SPTLC3: variants seen among roughly 807,000 people sequenced by gnomAD.
SPTLC3 encodes serine palmitoyltransferase 3.
In SPTLC3, 36 loss-of-function variants were observed where a neutral mutation model predicts 59.3. The ratio of observed to expected loss-of-function variants is 0.61; its 90% CI spans 0.47 to 0.80. SPTLC3 has a LOEUF of 0.80. Among genes scored for constraint, SPTLC3 ranks in the 30% least tolerant of loss-of-function variants. SPTLC3 has a pLI of 0.00. For synonymous variants in SPTLC3, 257 were observed against 240.8 expected (o/e 1.07, Z -0.62); for missense variants, 625 against 685.1 (o/e 0.91, Z 0.98).
chr20:13,160,072 C>G lies in SPTLC3; in HGVS notation c.1485C>G (p.Leu495=). The G allele has an allele frequency of 1.2e-6, 2 of 1,613,718 alleles. No homozygotes were observed. The highest frequency in any genetic ancestry group is 1.7e-6 in the Non-Finnish European group (2 of 1,179,888). ...VVVVGFPATP[L]AEARARFCVS... Reference sequence around the variant, plus strand: ...TCGTGGGATTTCCAGCCACTCCCCTCGCAGAAGCTCGGGCTCGGTTTTGTG... The same window carrying G: ...TCGTGGGATTTCCAGCCACTCCCCTGGCAGAAGCTCGGGCTCGGTTTTGTG... The change falls in exon 11 of 12, where the codon CTC becomes CTG. Residue 495 remains leucine, a synonymous_variant. Transcript: ENST00000399002.
At chr20:13,124,835 G>C (rs1390599901) in intron 8 of SPTLC3, among the ~76,000 whole-genome samples, 1 of 152,212 alleles carries the variant, frequency 6.6e-6, no homozygotes, top group Non-Finnish European at 1.5e-5. Flanking sequence ...AAGTGGGAAT[G>C]AATGTGACTA....
intron 11 of SPTLC3, among the ~76,000 whole-genome samples, chr20:13,163,897 C>T (rs2038945427): frequency 6.6e-6 from 1 of 151,930 alleles, no homozygotes; most frequent in South Asian, 2.1e-4. Flanking sequence ...TGAAAATGAC[C>T]TTTTTTTTAT....
At chr20:13,111,751 G>A (rs1359554126) in intron 7 of SPTLC3, among the ~76,000 whole-genome samples, 1 of 152,170 alleles carries the variant, frequency 6.6e-6, no homozygotes, top group African/African-American at 2.4e-5. Context: ...AGCAGACTGG[G>A]CATCTCCTTT....
intron 6 of SPTLC3, among the ~76,000 whole-genome samples, chr20:13,105,345 C>T (rs966091934): frequency 6.6e-6 from 1 of 152,102 alleles, no homozygotes; most frequent in Non-Finnish European, 1.5e-5. Context: ...TGAACTCCAC[C>T]AAAAGCCACT....
rs189473791 is a variant in SPTLC3 at position 13,116,355 on chromosome 20, G to A, written c.933-1151G>A. On this transcript the variant is annotated intron_variant, in intron 7 of 11. Transcript: ENST00000399002. The stretch of plus-strand genomic sequence containing the variant: ...TGTTTGACAAGTTCCTTTGTGTGGT[G>A]AGTGTGTCTGTGTGTTTTCGTACAA... 5.9e-5 allele frequency among the ~76,000 whole-genome samples: 9 copies of A among 152,332 alleles called. No homozygotes were observed. The East Asian group carries it at 1.7e-3, about 29-fold the overall frequency.
At position 13,067,044 on chromosome 20, in the gene SPTLC3, CATATATATATATATATATATATAT is replaced by C. The variant is rs143918659; in HGVS notation, c.304-5177_304-5154del. ...TGTTTATATAAAAATGTCACTTCTA[CATATATATATATATATATATATAT>C]ATATATATATATATATATATATATA... is the stretch of plus-strand genomic sequence containing the variant. On this transcript the variant is annotated intron_variant, in intron 2 of 11. Transcript: ENST00000399002. 6.2e-4 allele frequency among the ~76,000 whole-genome samples: 44 copies of C among 71,136 alleles called. 4 individuals carry two copies. Among genetic ancestry groups the C allele is most frequent in the South Asian group, 2.5e-3 (4 of 1,610 alleles). 46.7% of individuals were successfully genotyped at this position (71,136 alleles called of 152,430 possible).
chr20:13,128,503 G>GT (rs1242221658), intron 9 of SPTLC3, among the ~76,000 whole-genome samples: 1 of 152,096 alleles, frequency 6.6e-6, no homozygotes, highest in Non-Finnish European at 1.5e-5. Flanking sequence ...GGCCCCCATG[G>GT]TTACCAAGGT....
chr20:13,129,232 C>T (rs112519672), intron 9 of SPTLC3, among the ~76,000 whole-genome samples: 1 of 152,088 alleles, frequency 6.6e-6, no homozygotes, highest in African/African-American at 2.4e-5. Context: ...GAACACCTGG[C>T]CTCAAGTGAT....
intron 7 of SPTLC3, among the ~76,000 whole-genome samples, chr20:13,114,035 C>T (rs1225783930): frequency 1.3e-5 from 2 of 152,310 alleles, no homozygotes; most frequent in Non-Finnish European, 2.9e-5. Context: ...CGAGATGAGG[C>T]AGAGCGGGGA....
chr20:13,133,595 A>G (rs1334487521), intron 9 of SPTLC3, among the ~76,000 whole-genome samples: 4 of 152,284 alleles, frequency 2.6e-5, no homozygotes, highest in Admixed American at 6.5e-5. Flanking sequence ...TTAGCTGGGC[A>G]TGGTGGCACA....
chr20:13,026,600 G>A (rs75975087), intron 1 of SPTLC3, among the ~76,000 whole-genome samples: 5,356 of 152,186 alleles, frequency 0.035, 326 homozygotes, highest in African/African-American at 0.12. Flanking sequence ...CTTGAATAAA[G>A]CATCAATACG....
chr20:13,153,973 T>C (rs2038709459), intron 9 of SPTLC3, 30 bp from the exon 10 acceptor site: 1 of 1,610,580 alleles, frequency 6.2e-7, no homozygotes, highest in East Asian at 2.2e-5. Context: ...CTAGTGGGAA[T>C]TGATGGATTT....
chr20:13,086,266 T>C (rs1989002254), intron 4 of SPTLC3, among the ~76,000 whole-genome samples: 1 of 152,220 alleles, frequency 6.6e-6, no homozygotes, highest in Admixed American at 6.5e-5. Context: ...AAGCTTCTAG[T>C]GACTACTTTA....
chr20:13,046,725 C>T (rs913098518), intron 1 of SPTLC3, among the ~76,000 whole-genome samples: 2 of 152,152 alleles, frequency 1.3e-5, no homozygotes, highest in African/African-American at 4.8e-5. Context: ...ATCAGCCATC[C>T]ATCAGACCTA....
intron 5 of SPTLC3, among the ~76,000 whole-genome samples, chr20:13,093,078 C>T (rs555356737): frequency 6.6e-6 from 1 of 152,264 alleles, no homozygotes; most frequent in East Asian, 1.9e-4. Context: ...ACAAAAGACC[C>T]TTGCCTTTCA....
Position 13,160,089 on chromosome 20 carries a change from G to A in SPTLC3, c.1502G>A (p.Arg501Gln), listed in dbSNP as rs752474220. The part of the protein sequence containing the change: ...PATPLAEARA[R>Q]FCVSAAHTRE... ...ACTCCCCTCGCAGAAGCTCGGGCTCGGTTTTGTGTTTCAGCGGCACATACC... is the reference window on the plus strand; with the variant it reads ...ACTCCCCTCGCAGAAGCTCGGGCTCAGTTTTGTGTTTCAGCGGCACATACC... The change falls in exon 11 of 12, where the codon CGG (arginine) becomes CAG (glutamine). Residue 501 changes from arginine to glutamine, a missense_variant. Arg to Gln is a conservative substitution (Grantham distance 43). Coordinates refer to ENST00000399002, the MANE Select transcript of SPTLC3 (RefSeq NM_018327.4). 5 of 1,613,666 alleles carry A rather than the reference G, an allele frequency of 3.1e-6. No homozygotes were observed. The highest frequency in any genetic ancestry group is 1.3e-5 in the African/African-American group (1 of 74,810).
In SPTLC3 at chr20:13,167,385, G is replaced by T. The variant is rs1270364360; in HGVS notation, c.*2518G>T. The T allele has an allele frequency of 1.3e-5, 2 of 150,396 alleles. No homozygotes were observed. Among genetic ancestry groups the T allele is most frequent in the African/African-American group, 2.4e-5 (1 of 40,938 alleles). The allele number at this position is 150,396 out of a possible 1,614,324, so 9.3% of individuals were successfully genotyped here. Reference sequence around the variant, plus strand: ...TATCAGAGCCAAAAATGTGTCTTTGGTTAGATCTGTTGGAAAAGAGAATTT... The same window carrying T: ...TATCAGAGCCAAAAATGTGTCTTTGTTTAGATCTGTTGGAAAAGAGAATTT... On this transcript the variant is annotated 3_prime_UTR_variant, in exon 12 of 12. Transcript: ENST00000399002.
chr20:13,062,531 C>T (rs776864289), intron 2 of SPTLC3, among the ~76,000 whole-genome samples: 2 of 152,130 alleles, frequency 1.3e-5, no homozygotes, highest in East Asian at 1.9e-4. Context: ...TGTGAATGAG[C>T]GGGTTAAGAC....
At chr20:13,148,058 C>A (rs1182159841) in intron 9 of SPTLC3, among the ~76,000 whole-genome samples, 1 of 152,150 alleles carries the variant, frequency 6.6e-6, no homozygotes, top group Non-Finnish European at 1.5e-5. Context: ...AATGGTTTAA[C>A]AGAGAAGAAA....
Sources: allele counts gnomAD v4.1 joint callset (sites outside exome capture counted in the v4.1 genomes callset), GRCh38; gene constraint gnomAD v4.1.1; transcripts MANE v1.5; gene names NCBI Gene and HGNC (gene_info 2026-07-23, HGNC 2026-07-21).